The following SRGAP2 variants were observed in gnomAD, a reference collection of about 807,000 sequenced individuals.
SRGAP2 encodes SLIT-ROBO Rho GTPase activating protein 2.
Under a neutral mutation model 57.2 loss-of-function variants are expected in SRGAP2, and 15 were observed. The ratio of observed to expected loss-of-function variants is 0.26; its 90% CI spans 0.18 to 0.40. The LOEUF (loss-of-function observed/expected upper bound fraction) is 0.40, where lower values mean the gene tolerates loss of function less well. SRGAP2 is among the 10% of genes least tolerant of loss of function. The pLI is 1.00. For synonymous variants in SRGAP2, 249 were observed against 248.0 expected (o/e 1.00, Z -0.04); for missense variants, 520 against 669.6 (o/e 0.78, Z 2.47).
intron 10 of SRGAP2, among the ~76,000 whole-genome samples, chr1:206,410,349 C>T (rs1292831043): frequency 6.6e-6 from 1 of 152,190 alleles, no homozygotes; most frequent in East Asian, 1.9e-4. Flanking sequence ...ACACATAGTT[C>T]ATCAATGTCT....
intron 2 of SRGAP2, among the ~76,000 whole-genome samples, chr1:206,279,832 C>G (rs1670626823): frequency 6.6e-6 from 1 of 151,796 alleles, no homozygotes; most frequent in South Asian, 2.1e-4. Flanking sequence ...CTCAGAAAGT[C>G]CAGGAAGAAA....
chr1:206,457,130 A>G (rs985920132), intron 21 of SRGAP2, among the ~76,000 whole-genome samples: 2 of 152,100 alleles, frequency 1.3e-5, no homozygotes, highest in African/African-American at 4.8e-5. Flanking sequence ...AGCCTGGGAC[A>G]TGGCACACCA....
intron 2 of SRGAP2, among the ~76,000 whole-genome samples, chr1:206,209,880 T>A (rs1377952231): frequency 1.1e-5 from 1 of 91,734 alleles, no homozygotes; most frequent in African/African-American, 8.5e-5. Context: ...AAATGCTATG[T>A]AAATAGTTAT....
At chr1:206,359,284 G>C (rs1433365580) in intron 4 of SRGAP2, among the ~76,000 whole-genome samples, 6 of 96,808 alleles carry the variant, frequency 6.2e-5, no homozygotes, top group Non-Finnish European at 1.2e-4. Flanking sequence ...TTGAATGCCA[G>C]TCCAAGGAGT....
At chr1:206,319,225 T>C (rs1425829056) in intron 3 of SRGAP2, among the ~76,000 whole-genome samples, 15 of 147,762 alleles carry the variant, frequency 1.0e-4, no homozygotes, top group African/African-American at 3.7e-4. Context: ...TCCTGGCTAA[T>C]ACGGCGAAAC....
rs1489255492 is a variant in SRGAP2, at chr1:206,449,286, A to ATTTTTTTGTTT, written c.2100-1093_2100-1092insGTTTTTTTTTT. Among the ~76,000 whole-genome samples, 112 of 110,694 alleles carry ATTTTTTTGTTT rather than the reference A, an allele frequency of 1.0e-3. 2 individuals are homozygous for ATTTTTTTGTTT. The highest frequency in any genetic ancestry group is 1.5e-3 in the Admixed American group (16 of 10,882). The allele number at this position is 110,694 out of a possible 152,430, so 72.6% of individuals were successfully genotyped here. On this transcript the variant is annotated intron_variant, in intron 18 of 22. Transcript: ENST00000573034. The stretch of plus-strand genomic sequence containing the variant: ...ATTTCTCGATTCCTTACACTGGATG[A>ATTTTTTTGTTT]TTTTTTTTTTTTTTTTTTTTTTTTA...
chr1:206,419,733 T>G (rs1234810350), intron 12 of SRGAP2, among the ~76,000 whole-genome samples: 1 of 151,732 alleles, frequency 6.6e-6, no homozygotes, highest in Non-Finnish European at 1.5e-5. Context: ...AACCTAACCT[T>G]AGCTGCTAGA....
At chr1:206,334,968 T>G (rs1424883030) in intron 3 of SRGAP2, among the ~76,000 whole-genome samples, 1 of 150,790 alleles carries the variant, frequency 6.6e-6, no homozygotes, top group Non-Finnish European at 1.5e-5. Context: ...GTTCACAGGT[T>G]TTTCTATGGA....
intron 2 of SRGAP2, among the ~76,000 whole-genome samples, chr1:206,236,465 G>A (rs1280611822): frequency 6.6e-6 from 1 of 151,962 alleles, no homozygotes. Context: ...CAGATGCTTG[G>A]ATCAACCAAT....
At chr1:206,395,942 G>T (rs1657537090) in intron 7 of SRGAP2, among the ~76,000 whole-genome samples, 1 of 149,232 alleles carries the variant, frequency 6.7e-6, no homozygotes, top group South Asian at 2.1e-4. Context: ...TAGATCACTG[G>T]GATCAAAAGG....
intron 2 of SRGAP2, among the ~76,000 whole-genome samples, chr1:206,231,604 C>T (rs1667644254): frequency 6.7e-6 from 1 of 149,072 alleles, no homozygotes; most frequent in Non-Finnish European, 1.5e-5. Context: ...ATGGCGTGAT[C>T]TCAGCTCACT....
chr1:206,450,533 C>T (rs1456721127), intron 19 of SRGAP2, 68 bp downstream of exon 19: 1 of 743,530 alleles, frequency 1.3e-6, no homozygotes, highest in African/African-American at 1.7e-5. Context: ...ATTATATATC[C>T]TGTGCATCTG....
intron 3 of SRGAP2, among the ~76,000 whole-genome samples, chr1:206,323,251 T>A (rs1233110980): frequency 1.4e-4 from 22 of 151,930 alleles, no homozygotes; most frequent in African/African-American, 4.8e-4. Context: ...AATGTTTTCC[T>A]CTCCGGAATG....
chr1:206,372,954 TCTTTTCTTTC>T lies in SRGAP2; in HGVS notation c.424-11055_424-11046del, dbSNP rs1283404289. On this transcript the variant is annotated intron_variant, in intron 4 of 22. Transcript: ENST00000573034. ...TTCTTTCTTTCTTTCTTTCTTTCTT[TCTTTTCTTTC>T]CTTTCTTTCTTTCTTTCTTTCTTTC... Among the ~76,000 whole-genome samples, 19 of 7,728 alleles carry T rather than the reference TCTTTTCTTTC, an allele frequency of 2.5e-3. 4 individuals carry two copies. The East Asian group carries it at 0.12, about 51-fold the overall frequency. The allele number at this position is 7,728 out of a possible 152,430, so 5.1% of individuals were successfully genotyped here. A position where few individuals can be genotyped will look rare whatever the true frequency, so the allele number is the denominator to read the frequency against.
At chr1:206,450,826 G>A (rs978385120) in intron 19 of SRGAP2, among the ~76,000 whole-genome samples, 2 of 152,044 alleles carry the variant, frequency 1.3e-5, no homozygotes, top group Non-Finnish European at 2.9e-5. Flanking sequence ...TTGAAAAACA[G>A]TAAGCAATTG....
At chr1:206,326,370 T>C (rs1385780273) in intron 3 of SRGAP2, among the ~76,000 whole-genome samples, 1 of 151,336 alleles carries the variant, frequency 6.6e-6, no homozygotes, top group Admixed American at 6.6e-5. Context: ...ACATGCAGTG[T>C]GTCAACATGC....
chr1:206,268,464 A>T lies in SRGAP2; in HGVS notation c.68-34817A>T, dbSNP rs542223946. ...AAACATGGAATATATTTTAAGATAG[A>T]TATAAGACTAAAGCATAGGTAAGGA... On this transcript the variant is annotated intron_variant, in intron 2 of 22. Transcript: ENST00000573034. Among the ~76,000 whole-genome samples the T allele has an allele frequency of 3.3e-5, 5 of 152,222 alleles. No homozygotes were observed. The East Asian group carries it at 9.7e-4, about 29-fold the overall frequency.
chr1:206,419,421 G>T (rs1553363495), intron 12 of SRGAP2, 21 bp downstream of exon 12: 1 of 780,750 alleles, frequency 1.3e-6, no homozygotes, highest in Non-Finnish European at 2.4e-6. Context: ...CCTGGGACAG[G>T]CCTGGGAAGT....
chr1:206,374,019 C>CT (rs56021600), intron 4 of SRGAP2, among the ~76,000 whole-genome samples: 24,450 of 77,002 alleles, frequency 0.32, 5,548 homozygotes, highest in East Asian at 0.68. Context: ...GATACACATT[C>CT]TTTTTTTTTT....
Sources: allele counts gnomAD v4.1 joint callset (sites outside exome capture counted in the v4.1 genomes callset), GRCh38; gene constraint gnomAD v4.1.1; transcripts MANE v1.5; gene names NCBI Gene and HGNC (gene_info 2026-07-23, HGNC 2026-07-21).